The following SERPINB4 variants were observed in gnomAD, a reference collection of about 807,000 sequenced individuals.
SERPINB4 encodes the protein serpin B4.
In SERPINB4, 39 loss-of-function variants were observed where a neutral mutation model predicts 33.2. The ratio of observed to expected loss-of-function variants is 1.18; its 90% CI spans 0.91 to 1.53. The LOEUF is 1.53. Ranked by LOEUF, SERPINB4 falls within the 40% of genes most tolerant of loss-of-function variation. The probability of loss-of-function intolerance (pLI) is 0.00; values close to 1 mark genes in which losing one functional copy is unlikely to be tolerated. For missense variants in SERPINB4, 564 were observed against 455.4 expected (o/e 1.24, Z -2.17); for synonymous variants, 191 against 166.4 (o/e 1.15, Z -1.14).
Position 63,644,213 on chromosome 18 carries a change from G to A in SERPINB4, c.-31C>T, listed in dbSNP as rs1404102216. 6.6e-6 allele frequency: 1 copy of A among 152,492 alleles called. No homozygotes were observed. The highest frequency in any genetic ancestry group is 1.5e-5 in the Non-Finnish European group (1 of 68,084). 9.4% of individuals were successfully genotyped at this position (152,492 alleles called of 1,614,324 possible). ...GGAGAGGCTTGAAGCTCTTACCTGTGTTCCTAGAGGAAGCAGAGGTGGGCA... is the reference window on the plus strand; with the variant it reads ...GGAGAGGCTTGAAGCTCTTACCTGTATTCCTAGAGGAAGCAGAGGTGGGCA... On this transcript the variant is annotated 5_prime_UTR_variant, in exon 1 of 8. Coordinates refer to ENST00000341074, the MANE Select transcript of SERPINB4 (RefSeq NM_002974.4).
At chr18:63,643,635 C>G in intron 1 of SERPINB4, 32 bp from the exon 2 acceptor site, 2 of 1,578,588 alleles carry the variant, frequency 1.3e-6, no homozygotes, top group Non-Finnish European at 1.7e-6. Flanking sequence ...GTCAGAATGA[C>G]TTTAATAAAT....
chr18:63,643,305 A>G, intron 2 of SERPINB4, 88 bp from the exon 3 acceptor site: 1 of 1,611,522 alleles, frequency 6.2e-7, no homozygotes, highest in Non-Finnish European at 8.5e-7. Flanking sequence ...ATTCCTGCAC[A>G]GCCCCCTGTG....
intron 4 of SERPINB4, 82 bp downstream of exon 4, chr18:63,641,678 T>G (rs1345827200): frequency 1.2e-6 from 2 of 1,608,240 alleles, no homozygotes; most frequent in African/African-American, 2.7e-5. Flanking sequence ...CAGGCTCATC[T>G]GCCTTGCTTT....
intron 6 of SERPINB4, 144 bp downstream of exon 6, chr18:63,639,490 C>T (rs1430553517): frequency 5.8e-6 from 6 of 1,030,992 alleles, no homozygotes; most frequent in Admixed American, 2.9e-5. Context: ...GTATTCCTAA[C>T]TAAATAAAGT....
chr18:63,643,099 C>T, intron 3 of SERPINB4, 62 bp downstream of exon 3: 2 of 1,604,144 alleles, frequency 1.2e-6, no homozygotes, highest in Admixed American at 3.4e-5. Context: ...TTGTGAAGTT[C>T]CAGGTTTAAA....
rs761775047 is a variant in SERPINB4, at chr18:63,637,960, T to C, written c.932A>G (p.Asp311Gly). 11 of 1,613,646 alleles carry C rather than the reference T, an allele frequency of 6.8e-6. No homozygotes were observed. Among genetic ancestry groups the C allele is most frequent in the Non-Finnish European group, 7.6e-6 (9 of 1,179,772 alleles). The part of the protein sequence containing the change: ...TMGMVNIFNG[D>G]ADLSGMTWSH... ...CCAGGTCATGCCTGAGAGGTCTGCA[T>C]CCCCATTGAAGATATTCACCATTCC... is the stretch of plus-strand genomic sequence containing the variant. The change falls in exon 8 of 8, where the codon GAT becomes GGT. Residue 311 changes from aspartate to glycine, a missense_variant. Coordinates refer to ENST00000341074, the MANE Select transcript of SERPINB4 (RefSeq NM_002974.4).
At chr18:63,640,263 G>T (rs1467197501) in intron 5 of SERPINB4, among the ~76,000 whole-genome samples, 2 of 151,948 alleles carry the variant, frequency 1.3e-5, no homozygotes, top group African/African-American at 2.4e-5. Flanking sequence ...ACTTCCGGGG[G>T]TATCTTCCTA....
At chr18:63,640,123 C>T (rs1446422379) in intron 5 of SERPINB4, among the ~76,000 whole-genome samples, 1 of 151,992 alleles carries the variant, frequency 6.6e-6, no homozygotes, top group Non-Finnish European at 1.5e-5. Flanking sequence ...TTCTCCCTCC[C>T]TCCTCTTCCT....
chr18:63,642,329 T>A (rs1011017596), intron 3 of SERPINB4, among the ~76,000 whole-genome samples: 1 of 152,146 alleles, frequency 6.6e-6, no homozygotes, highest in Non-Finnish European at 1.5e-5. Flanking sequence ...TGCTATTATC[T>A]TGTAGGACAC....
rs963651339 is a variant in SERPINB4, at chr18:63,639,272, T to C, written c.681A>G (p.Val227=). The stretch of plus-strand genomic sequence containing the variant: ...ATGGTATTTCCAGGACCTTGGCCTG[T>C]ACATCCTCCAGCAAGGCAAAATTAA... ...NSFNFALLED[V]QAKVLEIPYK... Residue 227 remains valine, a synonymous_variant, in exon 7 of 8, where the codon GTA becomes GTG. Transcript: ENST00000341074. The C allele has an allele frequency of 1.2e-6, 2 of 1,612,616 alleles. No individual in the cohort carries two copies. The highest frequency in any genetic ancestry group is 2.7e-5 in the African/African-American group (2 of 74,852).
chr18:63,639,381 A>C lies in SERPINB4; in HGVS notation c.613-41T>G, dbSNP rs199976407. On this transcript the variant is annotated intron_variant, in intron 6 of 7. Transcript: ENST00000341074. ...GTGTCCAACAAATAACACGTGAAACACAAGACAAAAAAGATAATATTATTG... is the reference window on the plus strand; with the variant it reads ...GTGTCCAACAAATAACACGTGAAACCCAAGACAAAAAAGATAATATTATTG... 95 of 1,556,048 alleles carry C rather than the reference A, an allele frequency of 6.1e-5. 1 individual carries two copies. Among genetic ancestry groups the C allele is most frequent in the Non-Finnish European group, 6.7e-5 (77 of 1,140,902 alleles).
rs367838172 is a variant in SERPINB4 at position 63,637,999 on chromosome 18, G to A, written c.893C>T (p.Thr298Met). 3.1e-6 allele frequency: 5 copies of A among 1,613,572 alleles called. No individual in the cohort carries two copies. Among genetic ancestry groups the A allele is most frequent in the East Asian group, 2.2e-5 (1 of 44,868 alleles). ...KMEESYDLKD[T>M]LRTMGMVNIF... ...ATTCACCATTCCCATGGTTCTCAAC[G>A]TGTCCTTGAGGTCATAGCTCTCTTC... Residue 298 changes from threonine to methionine, a missense_variant, in exon 8 of 8, where the codon ACG (threonine) becomes ATG (methionine). Thr to Met is a moderately conservative substitution (Grantham distance 81, BLOSUM62 -1). Transcript: ENST00000341074.
In SERPINB4 at chr18:63,637,893, A is replaced by G; in HGVS notation, c.999T>C (p.Phe333=). Residue 333 remains phenylalanine, a synonymous_variant, in exon 8 of 8, where the codon TTT becomes TTC. Coordinates refer to ENST00000341074, the MANE Select transcript of SERPINB4 (RefSeq NM_002974.4). ...CCACTCCCTCCTCAGTGACCTCCAC[A>G]AAGGCCTTGTGTAGGACTTTAGATA... ...LSVSKVLHKA[F]VEVTEEGVEA... 3.1e-6 allele frequency: 5 copies of G among 1,613,592 alleles called. No individual in the cohort carries two copies. The highest frequency in any genetic ancestry group is 1.1e-5 in the South Asian group (1 of 91,076).
rs1227342716 is a variant in SERPINB4, at chr18:63,641,791, A to G, written c.320T>C (p.Leu107Pro). 7.4e-6 allele frequency: 12 copies of G among 1,613,274 alleles called. No individual in the cohort carries two copies. Among genetic ancestry groups the G allele is most frequent in the African/African-American group, 1.3e-5 (1 of 74,868 alleles). The change falls in exon 4 of 8, where the codon CTC becomes CCC. Residue 107 changes from leucine to proline, a missense_variant. By Grantham distance (98) the Leu-to-Pro change is moderately conservative (BLOSUM62 -3). Transcript: ENST00000341074. ...AAATTGATACGTCTTTTCTCCGAAGAGCTTGTTGGCGATCTTCAGCTCATA... is the reference window on the plus strand; with the variant it reads ...AAATTGATACGTCTTTTCTCCGAAGGGCTTGTTGGCGATCTTCAGCTCATA... ...DAYELKIANK[L>P]FGEKTYQFLQ...
Position 63,639,315 on chromosome 18 carries a change from A to G in SERPINB4, c.638T>C (p.Met213Thr), listed in dbSNP as rs1421383281. The G allele has an allele frequency of 1.2e-6, 2 of 1,612,122 alleles. No individual in the cohort carries two copies. The highest frequency in any genetic ancestry group is 1.7e-5 in the Admixed American group (1 of 59,846). ...NKNTYKSVQM[M>T]RQYNSFNFAL... ...AAAATTAAAGGAATTGTATTGCCTC[A>G]TCATCTGTACAGATTTGTATGTATT... is the stretch of plus-strand genomic sequence containing the variant. The change falls in exon 7 of 8, where the codon ATG (methionine) becomes ACG (threonine). Residue 213 changes from methionine (M) to threonine (T), a missense_variant. Transcript: ENST00000341074.
chr18:63,641,662 G>A lies in SERPINB4; in HGVS notation c.351+98C>T, dbSNP rs1318923039. On this transcript the variant is annotated intron_variant, in intron 4 of 7. Coordinates refer to ENST00000341074, the MANE Select transcript of SERPINB4 (RefSeq NM_002974.4). ...CTCTGAGTAAATGCTCTCCACCTGA[G>A]TCGGCCAGGCTCATCTGCCTTGCTT... 4.8e-5 allele frequency: 77 copies of A among 1,593,210 alleles called. 1 individual carries two copies. The highest frequency in any genetic ancestry group is 2.7e-4 in the South Asian group (24 of 90,082).
chr18:63,643,015 G>C, intron 3 of SERPINB4, 146 bp downstream of exon 3: 1 of 904,862 alleles, frequency 1.1e-6, no homozygotes, highest in Non-Finnish European at 1.7e-6. Context: ...TATGTGCCAT[G>C]AAATGCCAAC....
In SERPINB4 at chr18:63,637,775, T is replaced by G. The variant is rs780868344; in HGVS notation, c.1117A>C (p.Ile373Leu). 2.0e-5 allele frequency: 32 copies of G among 1,613,282 alleles called. No individual in the cohort carries two copies. The highest frequency in any genetic ancestry group is 1.3e-5 in the African/African-American group (1 of 74,862). The change falls in exon 8 of 8, where the codon ATA (isoleucine) becomes CTA (leucine). Residue 373 changes from isoleucine (I) to leucine (L), a missense_variant. Ile to Leu is a conservative substitution (Grantham distance 5). Transcript: ENST00000341074. ...FCCNHPFLFF[I>L]RQNKTNSILF... The stretch of plus-strand genomic sequence containing the variant: ...ATGCTGTTGGTCTTATTTTGCCTTA[T>G]GAAGAATAGGAAAGGGTGATTACAA...
chr18:63,642,875 T>A, intron 3 of SERPINB4: 1 of 397,312 alleles, frequency 2.5e-6, no homozygotes, highest in Non-Finnish European at 4.5e-6. Flanking sequence ...CGAGCAGTTG[T>A]GTCCTGCTCT....
Sources: gnomAD v4.1 joint callset for allele counts (sites outside exome capture counted in the v4.1 genomes callset) on GRCh38, gnomAD v4.1.1 for gene constraint, MANE v1.5 for transcripts, NCBI Gene and HGNC (gene_info 2026-07-23, HGNC 2026-07-21) for gene names.